Variants in DSP observed in about 807,000 individuals in gnomAD.
The protein encoded by DSP is desmoplakin.
In DSP, 114 loss-of-function variants were observed where a neutral mutation model predicts 290.6. That is an observed-to-expected ratio of 0.39 (90% CI 0.34 to 0.46). The LOEUF is 0.46. Among genes scored for constraint, DSP ranks in the 20% least tolerant of loss-of-function variants. The probability of loss-of-function intolerance (pLI) is 0.99; values close to 1 mark genes in which losing one functional copy is unlikely to be tolerated. For synonymous variants in DSP, 1,311 were observed against 1,316.4 expected, an observed-to-expected ratio of 1.00 and a Z score of 0.09; for missense variants, 3,230 against 3,495.8, an observed-to-expected ratio of 0.92 and a Z score of 1.92.
chr6:7,559,174 G>T (rs1758595174), intron 3 of DSP, 52 bp from the exon 4 acceptor site: 1 of 1,605,652 alleles, frequency 6.2e-7, no homozygotes, highest in Non-Finnish European at 8.5e-7. Context: ...GCCCAGAACG[G>T]GTTTTCATAG....
chr6:7,570,392 G>A (rs201361945), intron 12 of DSP, 45 bp from the exon 13 acceptor site: 45 of 1,613,892 alleles, frequency 2.8e-5, no homozygotes, highest in Non-Finnish European at 3.7e-5. Flanking sequence ...TTGGGATGAA[G>A]TGTGAAAGCC....
chr6:7,562,257 GA>G (rs2113664291), intron 4 of DSP, among the ~76,000 whole-genome samples: 1 of 151,104 alleles, frequency 6.6e-6, no homozygotes, highest in African/African-American at 2.5e-5. Context: ...TTTATTTAAT[GA>G]TTTTTTTATG....
At position 7,559,379 on chromosome 6, in the gene DSP, G is replaced by A. The variant is rs1758608540; in HGVS notation, c.576G>A (p.Leu192=). ...CCAAACATGTCACCAGTGAATGTTTGGGGTGGATGAGGCAGCAAAGGGTAA... is the reference window on the plus strand; with the variant it reads ...CCAAACATGTCACCAGTGAATGTTTAGGGTGGATGAGGCAGCAAAGGGTAA... ...EFTKHVTSEC[L]GWMRQQRAEM... Residue 192 remains leucine (L), a synonymous_variant, in exon 4 of 24, where the codon TTG becomes TTA. Coordinates refer to ENST00000379802, the MANE Select transcript of DSP (RefSeq NM_004415.4). 1.2e-6 allele frequency: 2 copies of A among 1,612,830 alleles called. No homozygotes were observed. Among genetic ancestry groups the A allele is most frequent in the African/African-American group, 1.3e-5 (1 of 74,982 alleles).
chr6:7,585,976 T>TG lies in DSP; in HGVS notation c.*99dup. The TG allele has an allele frequency of 1.7e-6, 2 of 1,209,998 alleles. No homozygotes were observed. The highest frequency in any genetic ancestry group is 2.4e-6 in the Non-Finnish European group (2 of 834,062). The allele number at this position is 1,209,998 out of a possible 1,614,324, so 75.0% of individuals were successfully genotyped here. A position where few individuals can be genotyped will look rare whatever the true frequency, so the allele number is the denominator to read the frequency against. ...GAAAATCCCGGTGCTTGCAGTAGAGTGATAGGACATTCTATGCTTACAGAA... is the reference window on the plus strand; with the variant it reads ...GAAAATCCCGGTGCTTGCAGTAGAGTGGATAGGACATTCTATGCTTACAGAA... On this transcript the variant is annotated 3_prime_UTR_variant, in exon 24 of 24. Coordinates refer to ENST00000379802, the MANE Select transcript of DSP (RefSeq NM_004415.4).
chr6:7,571,670 C>A, intron 14 of DSP, 86 bp downstream of exon 14: 2 of 1,561,166 alleles, frequency 1.3e-6, no homozygotes, highest in African/African-American at 1.4e-5. Flanking sequence ...GTTTCAGAAC[C>A]ATTTCTCTGA....
chr6:7,574,379 G>C (rs1051325884), intron 16 of DSP, 127 bp downstream of exon 16: 1 of 1,045,464 alleles, frequency 9.6e-7, no homozygotes, highest in African/African-American at 1.6e-5. Flanking sequence ...TCCTTCTGTG[G>C]TTTGGAGAGC....
intron 15 of DSP, among the ~76,000 whole-genome samples, chr6:7,572,712 G>A (rs761218599): frequency 2.6e-5 from 4 of 152,148 alleles, no homozygotes; most frequent in Non-Finnish European, 4.4e-5. Context: ...TGTGTGATCA[G>A]TATGCCAAAA....
At position 7,579,786 on chromosome 6, in the gene DSP, A is replaced by G. The variant is rs1759360616; in HGVS notation, c.3596A>G (p.Tyr1199Cys). 6.2e-7 allele frequency: 1 copy of G among 1,614,070 alleles called. No individual in the cohort carries two copies. Among genetic ancestry groups the G allele is most frequent in the Non-Finnish European group, 8.5e-7 (1 of 1,179,966 alleles). The part of the protein sequence containing the change: ...ENELAKVRNH[Y>C]NEEMSNLRNK... ...GAGCTGGCAAAGGTAAGAAACCACT[A>G]TAATGAGGAGATGAGTAATTTAAGG... is the stretch of plus-strand genomic sequence containing the variant. The change falls in exon 23 of 24, where the codon TAT becomes TGT. Residue 1199 changes from tyrosine to cysteine, a missense_variant. Tyr to Cys is a radical substitution (Grantham distance 194). Around this residue, in one of 5 missense-constraint regions of DSP, gnomAD observed 1,714 missense variants for 1,844.5 expected, o/e 0.93. Coordinates refer to ENST00000379802, the MANE Select transcript of DSP (RefSeq NM_004415.4). The surrounding 1 kb of genome is among the most constrained non-coding windows in gnomAD (Gnocchi z 4.1).
intron 1 of DSP, among the ~76,000 whole-genome samples, chr6:7,549,376 C>T (rs1005982030): frequency 6.6e-6 from 1 of 152,090 alleles, no homozygotes; most frequent in Non-Finnish European, 1.5e-5. Flanking sequence ...CTGGAACTCC[C>T]GACCTCAGGT....
intron 16 of DSP, 122 bp downstream of exon 16, chr6:7,574,374 C>T: frequency 9.1e-7 from 1 of 1,095,602 alleles, no homozygotes; most frequent in Non-Finnish European, 1.4e-6. Context: ...TTACATCCTT[C>T]TGTGGTTTGG....
At chr6:7,548,236 C>T (rs1388345376) in intron 1 of DSP, among the ~76,000 whole-genome samples, 1 of 151,814 alleles carries the variant, frequency 6.6e-6, no homozygotes, top group Non-Finnish European at 1.5e-5. Flanking sequence ...CACTGCACTC[C>T]AGCCTGGGCA....
intron 6 of DSP, among the ~76,000 whole-genome samples, chr6:7,564,204 A>G (rs1258838865): frequency 1.3e-5 from 2 of 152,222 alleles, no homozygotes; most frequent in African/African-American, 4.8e-5. Flanking sequence ...AAACGTTGCC[A>G]CTTGTGAATT....
At position 7,580,604 on chromosome 6, in the gene DSP, G is replaced by T. The variant is rs759947926; in HGVS notation, c.4414G>T (p.Ala1472Ser). The change falls in exon 23 of 24, where the codon GCT becomes TCT. Residue 1472 changes from alanine to serine, a missense_variant. Physicochemically the swap from Ala to Ser is moderately conservative, Grantham distance 99. Around this residue, in one of 5 missense-constraint regions of DSP, gnomAD observed 1,714 missense variants for 1,844.5 expected, o/e 0.93. Transcript: ENST00000379802. The surrounding 1 kb of genome is among the most constrained non-coding windows in gnomAD (Gnocchi z 4.2). ...SVRYKQSLDDAAKTIQDKNKE... is the reference protein window; with the variant it reads ...SVRYKQSLDDSAKTIQDKNKE... ...AAGATATAAGCAATCTCTTGATGATGCTGCCAAAACCATCCAGGATAAAAA... is the reference window on the plus strand; with the variant it reads ...AAGATATAAGCAATCTCTTGATGATTCTGCCAAAACCATCCAGGATAAAAA... 2.5e-6 allele frequency: 4 copies of T among 1,614,116 alleles called. No homozygotes were observed. The Admixed American group carries it at 6.7e-5, about 27-fold the overall frequency.
At chr6:7,561,011 G>A (rs1359493599) in intron 4 of DSP, among the ~76,000 whole-genome samples, 1 of 151,666 alleles carries the variant, frequency 6.6e-6, no homozygotes, top group Non-Finnish European at 1.5e-5. Flanking sequence ...GAGTGCAGTG[G>A]CATGATCTCG....
At chr6:7,544,695 T>C (rs573595941) in intron 1 of DSP, among the ~76,000 whole-genome samples, 39 of 152,212 alleles carry the variant, frequency 2.6e-4, no homozygotes, top group Admixed American at 5.2e-4. Flanking sequence ...AAAATGACTT[T>C]AAAACATCTC....
chr6:7,568,676 A>G (rs1002581001), intron 11 of DSP, 87 bp downstream of exon 11: 37 of 1,417,936 alleles, frequency 2.6e-5, no homozygotes, highest in Non-Finnish European at 3.3e-5. Flanking sequence ...TTTAATCTAG[A>G]GTTCAATAAT....
In DSP at chr6:7,578,469, A is replaced by C. The variant is rs780686578; in HGVS notation, c.2991A>C (p.Ala997=). The change falls in exon 22 of 24, where the codon GCA becomes GCC. Residue 997 remains alanine, a synonymous_variant. Coordinates refer to ENST00000379802, the MANE Select transcript of DSP (RefSeq NM_004415.4). ...TTTCCTTCCTTTTCTCCAAGGCTGC[A>C]GATGTTCATGCTCGGTACATTGAAC... The part of the protein sequence containing the change: ...SPSGVILQEA[A]DVHARYIELL... The C allele has an allele frequency of 1.9e-6, 3 of 1,613,324 alleles. No homozygotes were observed. Among genetic ancestry groups the C allele is most frequent in the Non-Finnish European group, 2.5e-6 (3 of 1,179,568 alleles).
rs774706853 is a variant in DSP at position 7,559,269 on chromosome 6, A to G, written c.466A>G (p.Ile156Val). ...GCAAATGCGAGCCCTTTATAAAGCC[A>G]TCAGTGTCCCTCGAGTCCGCAGGGC... ...QEQMRALYKAISVPRVRRASS... is the reference protein window; with the variant it reads ...QEQMRALYKAVSVPRVRRASS... Residue 156 changes from isoleucine to valine, a missense_variant, in exon 4 of 24, where the codon ATC becomes GTC. Coordinates refer to ENST00000379802, the MANE Select transcript of DSP (RefSeq NM_004415.4). 1 of 1,613,910 alleles carries G rather than the reference A, an allele frequency of 6.2e-7. No homozygotes were observed. The highest frequency in any genetic ancestry group is 8.5e-7 in the Non-Finnish European group (1 of 1,180,030).
rs1263770211 is a variant in DSP, at chr6:7,565,192, A to G, written c.778-167A>G. Among the ~76,000 whole-genome samples, 1 of 151,332 alleles carries G rather than the reference A, an allele frequency of 6.6e-6. No homozygotes were observed. Among genetic ancestry groups the G allele is most frequent in the Non-Finnish European group, 1.5e-5 (1 of 67,874 alleles). On this transcript the variant is annotated intron_variant, in intron 6 of 23. Transcript: ENST00000379802. This position sits in a 1 kb window ranked among gnomAD's most constrained non-coding sequence, Gnocchi z 4.2. The stretch of plus-strand genomic sequence containing the variant: ...GCCTTCTTGTTCATTGCAGATTTGG[A>G]TGGGTCTTTTCCCATACCAGGTGGT...
Sources: gnomAD v4.1 joint callset for allele counts (sites outside exome capture counted in the v4.1 genomes callset) on GRCh38, gnomAD v4.1.1 for gene constraint, gnomAD v4.1.1 regional missense constraint, Gnocchi (gnomAD v3.1) non-coding constraint, MANE v1.5 for transcripts, NCBI Gene and HGNC (gene_info 2026-07-23, HGNC 2026-07-21) for gene names.